The following ZNF517 variants were observed in gnomAD, a reference collection of about 807,000 sequenced individuals.
ZNF517 encodes zinc finger protein 517.
A neutral mutation model predicts 12.1 loss-of-function variants in ZNF517; 12 were observed. The observed-to-expected ratio is 0.99, with a 90% CI of 0.63 to 1.61. The LOEUF (loss-of-function observed/expected upper bound fraction) is 1.61. ZNF517 is among the 40% of genes most tolerant of loss of function. ZNF517 has a pLI of 0.00. For missense variants in ZNF517, 781 were observed against 693.2 expected (o/e 1.13, Z -1.42); for synonymous variants, 388 against 310.2 (o/e 1.25, Z -2.63).
At chr8:144,805,643 T>G (rs1284915829) in intron 4 of ZNF517, among the ~76,000 whole-genome samples, 2 of 146,110 alleles carry the variant, frequency 1.4e-5, no homozygotes, top group East Asian at 4.0e-4. Context: ...TTTTTTTTTT[T>G]GAGACGGAGT....
rs1827396886 is a variant in ZNF517, at chr8:144,808,327, CAGAAGG to C, written c.1412_1417del (p.Gln471_Val473delinsLeu). ...CCGGCTGTCCACCCTCATCCAGCAC[CAGAAGG>C]TGCACGGCCGCGAGCCCGGGGAGGA... On this transcript the variant is annotated inframe_deletion, in exon 5 of 5. Coordinates refer to ENST00000359971, the MANE Select transcript of ZNF517 (RefSeq NM_213605.3). The C allele has an allele frequency of 6.0e-6, 9 of 1,507,734 alleles. No homozygotes were observed. In the Admixed American group the frequency reaches 1.9e-4, roughly 33 times the overall value. The allele number at this position is 1,507,734 out of a possible 1,614,324, so 93.4% of individuals were successfully genotyped here.
chr8:144,799,723 G>A (rs112172824), intron 1 of ZNF517, among the ~76,000 whole-genome samples: 2 of 152,246 alleles, frequency 1.3e-5, no homozygotes, highest in African/African-American at 4.8e-5. Flanking sequence ...GGCGGATCAC[G>A]AGGTCAGGAG....
chr8:144,807,335 G>C lies in ZNF517; in HGVS notation c.419G>C (p.Gly140Ala), dbSNP rs1345714448. The C allele has an allele frequency of 2.6e-6, 4 of 1,552,388 alleles. No homozygotes were observed. The highest frequency in any genetic ancestry group is 2.6e-6 in the Non-Finnish European group (3 of 1,147,182). Residue 140 changes from glycine (G) to alanine (A), a missense_variant, in exon 5 of 5, where the codon GGT becomes GCT. Transcript: ENST00000359971. ...CCTGCACCACCCCACCCGCATGGCG[G>C]TCCTGAGGACGGGTCAGATAAACCC... is the stretch of plus-strand genomic sequence containing the variant. The part of the protein sequence containing the change: ...GHPAPPHPHG[G>A]PEDGSDKPTH...
chr8:144,812,463 T>C (rs536375673), downstream of ZNF517, among the ~76,000 whole-genome samples: 2 of 151,606 alleles, frequency 1.3e-5, no homozygotes, highest in Non-Finnish European at 2.9e-5. Context: ...CTCAGCCAGG[T>C]GCAGACTGCA....
chr8:144,807,158 G>C, intron 4 of ZNF517, 33 bp from the exon 5 acceptor site: 1 of 1,512,362 alleles, frequency 6.6e-7, no homozygotes, highest in East Asian at 2.3e-5. Context: ...GTAGAGGCTG[G>C]ATCATCCTTC....
At chr8:144,800,793 C>CAATGCTATGAAGTGACAT in intron 1 of ZNF517, 2 of 679,534 alleles carry the variant, frequency 2.9e-6, no homozygotes, top group Non-Finnish European at 3.6e-6. Flanking sequence ...CCAAATGTCA[C>CAATGCTATGAAGTGACAT]TTCATAGCAT....
chr8:144,806,237 CTG>C (rs1827218948), intron 4 of ZNF517, among the ~76,000 whole-genome samples: 3 of 152,170 alleles, frequency 2.0e-5, no homozygotes, highest in Non-Finnish European at 4.4e-5. Context: ...GCGCAGGCAC[CTG>C]CTCTACGCAC....
chr8:144,811,938 G>A (rs1220320262), downstream of ZNF517, among the ~76,000 whole-genome samples: 4 of 100,568 alleles, frequency 4.0e-5, no homozygotes, highest in African/African-American at 9.1e-5. Context: ...GCTGAGACAG[G>A]GTGGGAGAGA....
chr8:144,800,314 G>A (rs995237023), intron 1 of ZNF517, among the ~76,000 whole-genome samples: 1 of 152,098 alleles, frequency 6.6e-6, no homozygotes, highest in South Asian at 2.1e-4. Context: ...CTGATTGAAG[G>A]TTTACTTCCT....
At chr8:144,805,269 C>A (rs1357493789) in intron 4 of ZNF517, among the ~76,000 whole-genome samples, 1 of 152,222 alleles carries the variant, frequency 6.6e-6, no homozygotes, top group Non-Finnish European at 1.5e-5. Flanking sequence ...TCACTGTGTC[C>A]CTTCAGCTCC....
rs1053333240 is a variant in ZNF517, at chr8:144,807,696, C to G, written c.780C>G (p.Pro260=). ...AHHRVHTRER[P]YACGECGKAF... ...ACCGCGTCCACACCCGCGAGCGGCCCTACGCATGCGGCGAGTGCGGCAAGG... is the reference window on the plus strand; with the variant it reads ...ACCGCGTCCACACCCGCGAGCGGCCGTACGCATGCGGCGAGTGCGGCAAGG... Residue 260 remains proline, a synonymous_variant, in exon 5 of 5, where the codon CCC becomes CCG. Transcript: ENST00000359971. 1.2e-6 allele frequency: 2 copies of G among 1,611,062 alleles called. No individual in the cohort carries two copies. The highest frequency in any genetic ancestry group is 1.3e-5 in the African/African-American group (1 of 74,896).
Position 144,803,702 on chromosome 8 carries a change from C to T in ZNF517, c.95C>T (p.Ala32Val). 9 of 1,614,156 alleles carry T rather than the reference C, an allele frequency of 5.6e-6. No individual in the cohort carries two copies. Among genetic ancestry groups the T allele is most frequent in the East Asian group, 2.2e-5 (1 of 44,876 alleles). The change falls in exon 3 of 5, where the codon GCC (alanine) becomes GTC (valine). Residue 32 changes from alanine (A) to valine (V), a missense_variant. Physicochemically the swap from Ala to Val is moderately conservative, Grantham distance 64 (BLOSUM62 0). Transcript: ENST00000359971. ...ACAAGGATAGAGTGGAGTTGCCTGG[C>T]CCCCGACCAGCAGGCACTCTACAGG... ...YFTRIEWSCL[A>V]PDQQALYRDV...
In ZNF517 at chr8:144,807,823, A is replaced by G; in HGVS notation, c.907A>G (p.Thr303Ala). ...ECGKAFCRRF[T>A]LNEHGRIHSG... The stretch of plus-strand genomic sequence containing the variant: ...CGGCAAGGCGTTCTGCCGCAGGTTC[A>G]CCCTCAACGAGCACGGCCGCATCCA... The change falls in exon 5 of 5, where the codon ACC becomes GCC. Residue 303 changes from threonine to alanine, a missense_variant. By Grantham distance (58) the Thr-to-Ala change is moderately conservative. Coordinates refer to ENST00000359971, the MANE Select transcript of ZNF517 (RefSeq NM_213605.3). 1 of 1,608,012 alleles carries G rather than the reference A, an allele frequency of 6.2e-7. No individual in the cohort carries two copies. The highest frequency in any genetic ancestry group is 1.1e-5 in the South Asian group (1 of 90,628).
rs1362576221 is a variant in ZNF517 at position 144,807,915 on chromosome 8, G to C, written c.999G>C (p.Leu333=). 2 of 1,523,558 alleles carry C rather than the reference G, an allele frequency of 1.3e-6. No homozygotes were observed. Among genetic ancestry groups the C allele is most frequent in the Non-Finnish European group, 1.8e-6 (2 of 1,140,004 alleles). The allele number at this position is 1,523,558 out of a possible 1,614,324, so 94.4% of individuals were successfully genotyped here. A position where few individuals can be genotyped will look rare whatever the true frequency, so the allele number is the denominator to read the frequency against. The change falls in exon 5 of 5, where the codon CTG becomes CTC. Residue 333 remains leucine, a synonymous_variant. Coordinates refer to ENST00000359971, the MANE Select transcript of ZNF517 (RefSeq NM_213605.3). ...GQRFIRGSSL[L]KHHRLHAQEG... ...GCTTCATCCGAGGGTCCTCGCTCCT[G>C]AAGCACCACCGGCTGCACGCGCAGG...
In ZNF517 at chr8:144,807,612, G is replaced by T. The variant is rs747820321; in HGVS notation, c.696G>T (p.Pro232=). Reference sequence around the variant, plus strand: ...AGCTGATCCACACTGAGGAGAAGCCGTTCCAGTGCGGCGAGTGCGGGAAGG... The same window carrying T: ...AGCTGATCCACACTGAGGAGAAGCCTTTCCAGTGCGGCGAGTGCGGGAAGG... The part of the protein sequence containing the change: ...RHQLIHTEEK[P]FQCGECGKAF... The change falls in exon 5 of 5, where the codon CCG becomes CCT. Residue 232 remains proline (P), a synonymous_variant. Coordinates refer to ENST00000359971, the MANE Select transcript of ZNF517 (RefSeq NM_213605.3). 1.2e-6 allele frequency: 2 copies of T among 1,608,330 alleles called. No individual in the cohort carries two copies. Among genetic ancestry groups the T allele is most frequent in the Non-Finnish European group, 1.7e-6 (2 of 1,178,162 alleles).
chr8:144,803,643 G>C lies in ZNF517; in HGVS notation c.36G>C (p.Glu12Asp). The change falls in exon 3 of 5, where the codon GAG (glutamate) becomes GAC (aspartate). Residue 12 changes from glutamate (E) to aspartate (D), a missense_variant and splice_region_variant. By Grantham distance (45) the Glu-to-Asp change is conservative. Coordinates refer to ENST00000359971, the MANE Select transcript of ZNF517 (RefSeq NM_213605.3). The part of the protein sequence containing the change: ...AMALPMPGPQ[E>D]AVVFEDVAVY... ...GATAGCAGAGTATGTGGTTGCAGGA[G>C]GCGGTTGTGTTCGAGGATGTGGCTG... 1 of 1,614,118 alleles carries C rather than the reference G, an allele frequency of 6.2e-7. No individual in the cohort carries two copies. Among genetic ancestry groups the C allele is most frequent in the Non-Finnish European group, 8.5e-7 (1 of 1,179,976 alleles).
At position 144,807,377 on chromosome 8, in the gene ZNF517, G is replaced by A. The variant is rs748449960; in HGVS notation, c.461G>A (p.Arg154Gln). ...GSDKPTHPRA[R>Q]EHSASPRVLQ... is the part of the protein sequence containing the mutation. ...GATAAACCCACCCACCCCCGGGCTC[G>A]GGAGCACAGCGCCTCCCCAAGGGTT... is the stretch of plus-strand genomic sequence containing the variant. Residue 154 changes from arginine (R) to glutamine (Q), a missense_variant, in exon 5 of 5, where the codon CGG becomes CAG. Physicochemically the swap from Arg to Gln is conservative, Grantham distance 43. Transcript: ENST00000359971. 9.0e-6 allele frequency: 14 copies of A among 1,556,626 alleles called. No individual in the cohort carries two copies. The highest frequency in any genetic ancestry group is 2.4e-5 in the East Asian group (1 of 41,154).
At chr8:144,800,364 C>T in intron 1 of ZNF517, 1 of 529,022 alleles carries the variant, frequency 1.9e-6, no homozygotes, top group Non-Finnish European at 2.4e-6. Context: ...TTTTTCCCCT[C>T]TAACCAGGTA....
rs1292447459 is a variant in ZNF517 at position 144,803,479 on chromosome 8, G to A, written c.34-162G>A. 67 of 854,764 alleles carry A rather than the reference G, an allele frequency of 7.8e-5. 1 individual carries two copies. The East Asian group carries it at 1.5e-3, about 19-fold the overall frequency. 52.9% of individuals were successfully genotyped at this position (854,764 alleles called of 1,614,324 possible). ...TGGGGCTTCTGCTGAGAATGAGGCC[G>A]CTCACTCGGGGGGTGTTGGGCTGCC... On this transcript the variant is annotated intron_variant, in intron 2 of 4. Coordinates refer to ENST00000359971, the MANE Select transcript of ZNF517 (RefSeq NM_213605.3).
Sources: gnomAD v4.1 joint callset for allele counts (sites outside exome capture counted in the v4.1 genomes callset) on GRCh38, gnomAD v4.1.1 for gene constraint, MANE v1.5 for transcripts, NCBI Gene and HGNC (gene_info 2026-07-23, HGNC 2026-07-21) for gene names.